The following SNCAIP variants were observed in gnomAD, a reference collection of about 807,000 sequenced individuals.
SNCAIP encodes synphilin-1.
In SNCAIP, 43 loss-of-function variants were observed where a neutral mutation model predicts 86.7. The ratio of observed to expected loss-of-function variants is 0.50; its 90% CI spans 0.39 to 0.64. The LOEUF is 0.64. Ranked by LOEUF, SNCAIP falls within the 30% of genes least tolerant of loss-of-function variation. The pLI, the probability that SNCAIP is intolerant of heterozygous loss-of-function variation, is 0.00. For missense variants in SNCAIP, 981 were observed against 1,103.1 expected, an observed-to-expected ratio of 0.89 and a Z score of 1.57; for synonymous variants, 417 against 427.2, an observed-to-expected ratio of 0.98 and a Z score of 0.29.
At position 122,449,865 on chromosome 5, in the gene SNCAIP, C is replaced by G; in HGVS notation, c.1613C>G (p.Thr538Arg). The change falls in exon 9 of 11, where the codon ACG becomes AGG. Residue 538 changes from threonine (T) to arginine (R), a missense_variant. Thr to Arg is a moderately conservative substitution (Grantham distance 71). Coordinates refer to ENST00000261368, the MANE Select transcript of SNCAIP (RefSeq NM_005460.4). Reference protein sequence around the residue: ...QLKEQTVERVTLQNQLQQFLE... With the variant: ...QLKEQTVERVRLQNQLQQFLE... ...CCCAGACAAACAGTAGAACGTGTCA[C>G]GCTGCAGAACCAACTCCAACAATTT... 6.2e-7 allele frequency: 1 copy of G among 1,613,840 alleles called. No homozygotes were observed. The highest frequency in any genetic ancestry group is 8.5e-7 in the Non-Finnish European group (1 of 1,179,784).
At chr5:122,412,157 C>T (rs763394907) in intron 3 of SNCAIP, among the ~76,000 whole-genome samples, 1 of 152,134 alleles carries the variant, frequency 6.6e-6, no homozygotes, top group Non-Finnish European at 1.5e-5. Flanking sequence ...TCAAGATCAC[C>T]TCCTTAGGTG....
chr5:122,374,341 A>G (rs1413219178), intron 1 of SNCAIP, among the ~76,000 whole-genome samples: 1 of 152,170 alleles, frequency 6.6e-6, no homozygotes, highest in Non-Finnish European at 1.5e-5. Flanking sequence ...TCTTACAGCC[A>G]TCTCTTCAAG....
At chr5:122,404,419 A>T (rs1772525438) in intron 3 of SNCAIP, among the ~76,000 whole-genome samples, 1 of 152,162 alleles carries the variant, frequency 6.6e-6, no homozygotes, top group Non-Finnish European at 1.5e-5. Context: ...CAGCTGGTCG[A>T]CCTTTTCTCT....
At chr5:122,413,939 T>G (rs1048538311) in intron 3 of SNCAIP, among the ~76,000 whole-genome samples, 31 of 152,198 alleles carry the variant, frequency 2.0e-4, no homozygotes, top group Non-Finnish European at 3.2e-4. Flanking sequence ...AGACAAGGTC[T>G]CACTCTTTCG....
chr5:122,386,062 A>G (rs933075910), intron 1 of SNCAIP, among the ~76,000 whole-genome samples: 2 of 152,218 alleles, frequency 1.3e-5, no homozygotes, highest in African/African-American at 4.8e-5. Flanking sequence ...TTATGAGCCA[A>G]GCACACCAGA....
At chr5:122,418,604 G>C (rs991492961) in intron 3 of SNCAIP, among the ~76,000 whole-genome samples, 1 of 151,984 alleles carries the variant, frequency 6.6e-6, no homozygotes, top group East Asian at 1.9e-4. Context: ...CTCATTTTTC[G>C]AATAGGGAAT....
intron 3 of SNCAIP, 53 bp downstream of exon 3, chr5:122,403,918 C>T: frequency 1.4e-6 from 2 of 1,385,486 alleles, no homozygotes; most frequent in Non-Finnish European, 2.1e-6. Context: ...GTTAATGGCT[C>T]CTGGAAAGCT....
intron 8 of SNCAIP, among the ~76,000 whole-genome samples, chr5:122,448,235 G>C (rs994729091): frequency 2.6e-4 from 39 of 152,130 alleles, no homozygotes; most frequent in Admixed American, 1.3e-3. Context: ...CGTGAGAGCT[G>C]CTGTCATTTT....
rs188595994 is a variant in SNCAIP, at chr5:122,369,402, A to G, written c.-46-21687A>G. Among the ~76,000 whole-genome samples the G allele has an allele frequency of 3.0e-3, 462 of 152,326 alleles. 4 individuals carry two copies. Among genetic ancestry groups the G allele is most frequent in the African/African-American group, 9.5e-3 (393 of 41,574 alleles). On this transcript the variant is annotated intron_variant, in intron 1 of 10. Coordinates refer to ENST00000261368, the MANE Select transcript of SNCAIP (RefSeq NM_005460.4). The stretch of plus-strand genomic sequence containing the variant: ...TTTAATATTCGAATGGCACATGTGC[A>G]TTTGAGGAAACCTAGATTGCCTCAG...
chr5:122,450,466 A>G, intron 9 of SNCAIP, 67 bp from the exon 10 acceptor site: 2 of 1,026,602 alleles, frequency 1.9e-6, no homozygotes, highest in South Asian at 2.5e-5. Flanking sequence ...AGTAAAGACC[A>G]TGTAGTGACT....
At chr5:122,439,326 C>T (rs1179265372) in intron 6 of SNCAIP, among the ~76,000 whole-genome samples, 1 of 152,162 alleles carries the variant, frequency 6.6e-6, no homozygotes, top group African/African-American at 2.4e-5. Context: ...ATGTCTGTCT[C>T]CTTTTGCAGT....
intron 1 of SNCAIP, among the ~76,000 whole-genome samples, chr5:122,380,588 G>C (rs1389071573): frequency 6.7e-6 from 1 of 149,370 alleles, no homozygotes; most frequent in Non-Finnish European, 1.5e-5. Flanking sequence ...GCTAGCTTTT[G>C]AATGTGTTTG....
At chr5:122,425,295 TACA>T in intron 4 of SNCAIP, 54 bp from the exon 5 acceptor site, 1 of 1,385,508 alleles carries the variant, frequency 7.2e-7, no homozygotes, top group South Asian at 1.2e-5. Flanking sequence ...GAAAAACTCC[TACA>T]GGGTCTTGCT....
chr5:122,382,071 T>G (rs7448180), intron 1 of SNCAIP, among the ~76,000 whole-genome samples: 31,165 of 151,910 alleles, frequency 0.21, 4,136 homozygotes, highest in African/African-American at 0.38. Context: ...TGTATTTCCT[T>G]AATTTGAATG....
chr5:122,428,342 T>C (rs1258253167), intron 5 of SNCAIP, among the ~76,000 whole-genome samples: 4 of 152,172 alleles, frequency 2.6e-5, no homozygotes, highest in Non-Finnish European at 5.9e-5. Context: ...TCTTAGTATT[T>C]ATATTTATGG....
chr5:122,355,792 G>A (rs946356589), intron 1 of SNCAIP, among the ~76,000 whole-genome samples: 2 of 152,096 alleles, frequency 1.3e-5, no homozygotes, highest in African/African-American at 2.4e-5. Context: ...TAAGTTAAAT[G>A]TGTACATGCA....
chr5:122,373,254 C>T (rs1358211584), intron 1 of SNCAIP, among the ~76,000 whole-genome samples: 1 of 152,214 alleles, frequency 6.6e-6, no homozygotes, highest in South Asian at 2.1e-4. Context: ...ACTTTCTCAT[C>T]ATAATCAAGT....
At chr5:122,452,991 A>C (rs1190442332) in intron 10 of SNCAIP, 2 of 1,541,192 alleles carry the variant, frequency 1.3e-6, no homozygotes, top group Admixed American at 3.9e-5. Flanking sequence ...GTGTAACGAC[A>C]CACGGTACGT....
At chr5:122,453,183 CT>C (rs1784063501) in intron 10 of SNCAIP, among the ~76,000 whole-genome samples, 1 of 152,162 alleles carries the variant, frequency 6.6e-6, no homozygotes, top group Admixed American at 6.5e-5. Flanking sequence ...GGTCGCTAGT[CT>C]GCCCTTGGAG....
Sources: allele counts gnomAD v4.1 joint callset (sites outside exome capture counted in the v4.1 genomes callset), GRCh38; gene constraint gnomAD v4.1.1; transcripts MANE v1.5; gene names NCBI Gene and HGNC (gene_info 2026-07-23, HGNC 2026-07-21).